Variants in RYR3 observed in about 807,000 individuals in gnomAD.
The protein encoded by RYR3 is brain ryanodine receptor-calcium release channel.
In RYR3, 207 loss-of-function variants were observed where a neutral mutation model predicts 584.3. The ratio of observed to expected loss-of-function variants is 0.35; its 90% CI spans 0.32 to 0.40. The LOEUF (loss-of-function observed/expected upper bound fraction) is 0.40, where lower values mean the gene tolerates loss of function less well. Among genes scored for constraint, RYR3 ranks in the 10% least tolerant of loss-of-function variants. RYR3 has a pLI of 1.00. For missense variants in RYR3, 5,616 were observed against 6,089.2 expected, an observed-to-expected ratio of 0.92 and a Z score of 2.59; for synonymous variants, 2,416 against 2,248.5, an observed-to-expected ratio of 1.07 and a Z score of -2.11.
intron 1 of RYR3, among the ~76,000 whole-genome samples, chr15:33,374,359 A>AGTGT (rs1454263422): frequency 7.8e-6 from 1 of 128,552 alleles, no homozygotes; most frequent in African/African-American, 3.2e-5. Context: ...TTCCTGTACG[A>AGTGT]GTGTATGTGT....
intron 2 of RYR3, among the ~76,000 whole-genome samples, chr15:33,481,799 T>A (rs1400866092): frequency 1.3e-5 from 2 of 151,764 alleles, no homozygotes; most frequent in Non-Finnish European, 2.9e-5. Context: ...CTTTTTTTTT[T>A]TTTTTTTTTT....
In RYR3 at chr15:33,705,101, TTCTCTCTCTC is replaced by T. The variant is rs10534581; in HGVS notation, c.6484-1793_6484-1784del. On this transcript the variant is annotated intron_variant, in intron 42 of 103. Coordinates refer to ENST00000634891, the MANE Select transcript of RYR3 (RefSeq NM_001036.6). ...GCACACACACATGCACACACACTCT[TTCTCTCTCTC>T]TCTCTCTCTCTCTCTCTCTCTCTCA... Among the ~76,000 whole-genome samples the T allele has an allele frequency of 3.6e-3, 516 of 142,212 alleles. 4 individuals are homozygous for T. The highest frequency in any genetic ancestry group is 5.1e-3 in the African/African-American group (187 of 36,990). 93.3% of individuals were successfully genotyped at this position (142,212 alleles called of 152,430 possible). A position where few individuals can be genotyped will look rare whatever the true frequency, so the allele number is the denominator to read the frequency against.
intron 1 of RYR3, among the ~76,000 whole-genome samples, chr15:33,410,964 C>T (rs996124281): frequency 6.6e-6 from 1 of 152,136 alleles, no homozygotes; most frequent in African/African-American, 2.4e-5. Context: ...CATAAGATCT[C>T]GTGAGGCTTA....
At chr15:33,819,045 C>G (rs569848198) in intron 76 of RYR3, among the ~76,000 whole-genome samples, 19 of 152,028 alleles carry the variant, frequency 1.2e-4, no homozygotes, top group Non-Finnish European at 1.3e-4. Flanking sequence ...ATCGCTTGAA[C>G]CCGGGAGGCG....
At chr15:33,824,760 G>A (rs2077287007) in intron 81 of RYR3, among the ~76,000 whole-genome samples, 1 of 152,208 alleles carries the variant, frequency 6.6e-6, no homozygotes, top group African/African-American at 2.4e-5. Context: ...AAGTTTTGCA[G>A]AGTCTTAATG....
intron 91 of RYR3, among the ~76,000 whole-genome samples, chr15:33,842,851 C>T (rs1387918125): frequency 6.6e-6 from 1 of 152,186 alleles, no homozygotes; most frequent in Non-Finnish European, 1.5e-5. Context: ...TGCAGTCACA[C>T]AGCACTTCAA....
At chr15:33,723,019 T>C (rs1162197313) in intron 44 of RYR3, 124 bp downstream of exon 44, 6 of 864,088 alleles carry the variant, frequency 6.9e-6, no homozygotes, top group Admixed American at 2.8e-5. Flanking sequence ...AGCTAAAACA[T>C]TGACCCTTCA....
intron 49 of RYR3, among the ~76,000 whole-genome samples, chr15:33,737,957 G>T (rs1430180760): frequency 2.0e-5 from 3 of 152,078 alleles, no homozygotes; most frequent in African/African-American, 7.2e-5. Context: ...CGGGCACGGG[G>T]AGTGGGGGCA....
chr15:33,697,897 C>A lies in RYR3; in HGVS notation c.6150C>A (p.Asn2050Lys). The A allele has an allele frequency of 6.2e-7, 1 of 1,609,838 alleles. No individual in the cohort carries two copies. Reference protein sequence around the residue: ...MINGLGDIMNNKVFYQHPNLM... With the variant: ...MINGLGDIMNKKVFYQHPNLM... Reference sequence around the variant, plus strand: ...CTTATCCTAGAGACATAATGAACAACAAGGTGTTTTACCAGCATCCCAACC... The same window carrying A: ...CTTATCCTAGAGACATAATGAACAAAAAGGTGTTTTACCAGCATCCCAACC... Residue 2050 changes from asparagine (N) to lysine (K), a missense_variant, in exon 40 of 104, where the codon AAC (asparagine) becomes AAA (lysine). By Grantham distance (94) the Asn-to-Lys change is moderately conservative (BLOSUM62 0). This residue lies in a region of RYR3 where 1,280 missense variants were observed against 1,426.2 expected (regional missense o/e 0.90). Transcript: ENST00000634891.
intron 38 of RYR3, among the ~76,000 whole-genome samples, chr15:33,693,646 A>G (rs184840953): frequency 7.9e-5 from 12 of 152,360 alleles, no homozygotes; most frequent in East Asian, 1.9e-4. Context: ...AACATTATCA[A>G]CAGCATCCCA....
At chr15:33,825,734 TTTTTTTTTTTTTC>T (rs1388359351) in intron 82 of RYR3, 58 bp downstream of exon 82, 7 of 773,452 alleles carry the variant, frequency 9.1e-6, no homozygotes, top group Admixed American at 6.6e-5. Flanking sequence ...TTTTTTTTTT[TTTTTTTTTTTTTC>T]CCCATACAGA....
At chr15:33,325,174 C>T (rs528650106) in intron 1 of RYR3, among the ~76,000 whole-genome samples, 48 of 152,244 alleles carry the variant, frequency 3.2e-4, no homozygotes, top group African/African-American at 7.7e-4. Context: ...TATTTGATGT[C>T]AGTGTACCTT....
In RYR3 at chr15:33,667,895, C is replaced by G. The variant is rs1269594269; in HGVS notation, c.5620-1459C>G. Among the ~76,000 whole-genome samples the G allele has an allele frequency of 1.1e-4, 16 of 152,088 alleles. 1 individual carries two copies. The East Asian group carries it at 3.1e-3, about 29-fold the overall frequency. ...TGGCCAACATGGTGAAACCCCATCT[C>G]TACTAAAAATACAAGAAATTAGCTG... On this transcript the variant is annotated intron_variant, in intron 36 of 103. Coordinates refer to ENST00000634891, the MANE Select transcript of RYR3 (RefSeq NM_001036.6).
At chr15:33,380,996 C>T (rs1341067255) in intron 1 of RYR3, among the ~76,000 whole-genome samples, 1 of 152,194 alleles carries the variant, frequency 6.6e-6, no homozygotes, top group African/African-American at 2.4e-5. Flanking sequence ...TTCATCACCT[C>T]GAAGGATCAA....
At chr15:33,362,252 C>A (rs377713862) in intron 1 of RYR3, among the ~76,000 whole-genome samples, 69 of 152,284 alleles carry the variant, frequency 4.5e-4, no homozygotes, top group African/African-American at 1.6e-3. Context: ...ATTGTCTTTA[C>A]CCTCCCTGTG....
At chr15:33,573,473 A>G (rs2058140002) in intron 12 of RYR3, among the ~76,000 whole-genome samples, 1 of 152,218 alleles carries the variant, frequency 6.6e-6, no homozygotes, top group Non-Finnish European at 1.5e-5. Flanking sequence ...ATGCTATCTC[A>G]TCATCCTCTG....
Position 33,543,706 on chromosome 15 carries a change from C to T in RYR3, c.731C>T (p.Ser244Phe), listed in dbSNP as rs1373834477. 2 of 1,607,878 alleles carry T rather than the reference C, an allele frequency of 1.2e-6. No homozygotes were observed. The highest frequency in any genetic ancestry group is 3.3e-5 in the Admixed American group (2 of 60,000). ...LTIPSTDQND[S>F]QHRRIFYEAG... ...ATACCATCTACAGACCAGAATGATT[C>T]CCAGCACAGGTAAGTCAGTAGCTGC... Residue 244 changes from serine to phenylalanine, a missense_variant, in exon 8 of 104, where the codon TCC becomes TTC. Ser to Phe is a radical substitution (Grantham distance 155, BLOSUM62 -2). Around this residue, in one of 9 missense-constraint regions of RYR3, gnomAD observed 1,284 missense variants for 1,344.6 expected, o/e 0.95. Coordinates refer to ENST00000634891, the MANE Select transcript of RYR3 (RefSeq NM_001036.6).
intron 38 of RYR3, among the ~76,000 whole-genome samples, chr15:33,676,629 T>C (rs2064196365): frequency 6.8e-6 from 1 of 146,606 alleles, no homozygotes; most frequent in Non-Finnish European, 1.5e-5. Context: ...TTTATTTAGC[T>C]CCATAGAGGT....
At chr15:33,776,093 C>T (rs1165718143) in intron 64 of RYR3, among the ~76,000 whole-genome samples, 4 of 152,174 alleles carry the variant, frequency 2.6e-5, no homozygotes, top group Admixed American at 6.5e-5. Flanking sequence ...CTTTTGCTGG[C>T]GTCTCCTTGA....
Sources: allele counts gnomAD v4.1 joint callset (sites outside exome capture counted in the v4.1 genomes callset), GRCh38; gene constraint gnomAD v4.1.1; regional missense constraint gnomAD v4.1.1; transcripts MANE v1.5; gene names NCBI Gene and HGNC (gene_info 2026-07-23, HGNC 2026-07-21).